Variants in UGT1A7 observed in about 807,000 individuals in gnomAD.
The protein encoded by UGT1A7 is UDP-glucuronosyltransferase 1A7.
Under a neutral mutation model 45.6 loss-of-function variants are expected in UGT1A7, and 33 were observed. The observed-to-expected ratio is 0.72, with a 90% CI of 0.55 to 0.97. The LOEUF (loss-of-function observed/expected upper bound fraction) is 0.97, where lower values mean the gene tolerates loss of function less well. Ranked by LOEUF, UGT1A7 falls within the 50% of genes least tolerant of loss-of-function variation. UGT1A7 has a pLI of 0.00. For missense variants in UGT1A7, 684 were observed against 666.2 expected (o/e 1.03, Z -0.29); for synonymous variants, 274 against 250.6 (o/e 1.09, Z -0.88).
intron 3 of UGT1A7, 134 bp from the exon 4 acceptor site, chr2:233,768,086 A>T: frequency 1.3e-6 from 2 of 1,591,428 alleles, no homozygotes; most frequent in Non-Finnish European, 8.6e-7. Flanking sequence ...ATCTCAACCC[A>T]CATTTTCTTC....
In UGT1A7 at chr2:233,768,367, T is replaced by C; in HGVS notation, c.1223T>C (p.Val408Ala). 6.2e-7 allele frequency: 1 copy of C among 1,614,082 alleles called. No individual in the cohort carries two copies. The highest frequency in any genetic ancestry group is 8.5e-7 in the Non-Finnish European group (1 of 1,180,022). The change falls in exon 4 of 5, where the codon GTG (valine) becomes GCG (alanine). Residue 408 changes from valine to alanine, a missense_variant. Val to Ala is a moderately conservative substitution (Grantham distance 64). Transcript: ENST00000373426. The stretch of plus-strand genomic sequence containing the variant: ...CGCATGGAGACTAAGGGAGCTGGAG[T>C]GACCCTGAATGTTCTGGAAATGACT... ...AKRMETKGAG[V>A]TLNVLEMTSE...
At chr2:233,689,819 C>T in intron 1 of UGT1A7, 1 of 449,700 alleles carries the variant, frequency 2.2e-6, no homozygotes, top group Admixed American at 2.4e-5. Flanking sequence ...AACCAAACAT[C>T]TCTGGACTCT....
At chr2:233,709,435 T>C (rs1036317154) in intron 1 of UGT1A7, among the ~76,000 whole-genome samples, 9 of 152,210 alleles carry the variant, frequency 5.9e-5, no homozygotes, top group Non-Finnish European at 8.8e-5. Context: ...CCAGAAAGGA[T>C]GACCTGCCGA....
At chr2:233,746,652 G>C (rs889917694) in intron 1 of UGT1A7, among the ~76,000 whole-genome samples, 17 of 151,768 alleles carry the variant, frequency 1.1e-4, no homozygotes, top group African/African-American at 3.7e-4. Context: ...TTGGCTTTCT[G>C]TCCCGAGTTC....
intron 1 of UGT1A7, among the ~76,000 whole-genome samples, chr2:233,754,123 T>C (rs1464588119): frequency 2.6e-5 from 4 of 152,360 alleles, no homozygotes; most frequent in Admixed American, 2.6e-4. Flanking sequence ...CGAGCATTTA[T>C]GTGCAATTAA....
chr2:233,743,205 G>A (rs1013981609), intron 1 of UGT1A7: 19 of 391,306 alleles, frequency 4.9e-5, no homozygotes, highest in South Asian at 9.4e-5. Flanking sequence ...GTGTCAATGC[G>A]GAGTAACTGC....
At chr2:233,720,685 A>G (rs2076880777) in intron 1 of UGT1A7, among the ~76,000 whole-genome samples, 1 of 151,384 alleles carries the variant, frequency 6.6e-6, no homozygotes, top group Non-Finnish European at 1.5e-5. Flanking sequence ...TGGTTTCTAA[A>G]TCCATTAAGG....
intron 1 of UGT1A7, among the ~76,000 whole-genome samples, chr2:233,722,377 C>T (rs570845988): frequency 4.6e-5 from 7 of 152,274 alleles, no homozygotes; most frequent in East Asian, 3.9e-4. Context: ...TGAAATCTTA[C>T]GTTTCTTCTC....
At chr2:233,695,921 C>A (rs2075314397) in intron 1 of UGT1A7, among the ~76,000 whole-genome samples, 1 of 152,044 alleles carries the variant, frequency 6.6e-6, no homozygotes, top group South Asian at 2.1e-4. Flanking sequence ...CTCCACACAC[C>A]AAGCAAGCAG....
chr2:233,698,492 T>C lies in UGT1A7; in HGVS notation c.855+15700T>C, dbSNP rs1274345371. ...GATTTATAGCTTAAAAATGCAGTCC[T>C]CATTAGGCAAATCACATAATCGGCA... On this transcript the variant is annotated intron_variant, in intron 1 of 4. Transcript: ENST00000373426. Among the ~76,000 whole-genome samples, 3 of 152,190 alleles carry C rather than the reference T, an allele frequency of 2.0e-5. No individual in the cohort carries two copies. The East Asian group carries it at 5.8e-4, about 29-fold the overall frequency.
chr2:233,689,454 T>G (rs919353618), intron 1 of UGT1A7, among the ~76,000 whole-genome samples: 5 of 152,208 alleles, frequency 3.3e-5, no homozygotes, highest in Non-Finnish European at 7.3e-5. Flanking sequence ...CAAGGATACA[T>G]TTTAGGAAAA....
At position 233,682,800 on chromosome 2, in the gene UGT1A7, AT is replaced by A. The variant is rs111931772; in HGVS notation, c.855+9del. 5 of 1,609,792 alleles carry A rather than the reference AT, an allele frequency of 3.1e-6. No individual in the cohort carries two copies. The African/African-American group carries it at 4.0e-5, about 13-fold the overall frequency. On this transcript the variant is annotated intron_variant, in intron 1 of 4. Transcript: ENST00000373426. The stretch of plus-strand genomic sequence containing the variant: ...GGAAAGCCAGTGCCTATGGTAAGTT[AT>A]CTCCCCTTTAGCACATTAAGAATAA...
chr2:233,754,024 C>T (rs763970261), intron 1 of UGT1A7, among the ~76,000 whole-genome samples: 4 of 152,198 alleles, frequency 2.6e-5, no homozygotes, highest in Non-Finnish European at 5.9e-5. Flanking sequence ...TGATAGGAAA[C>T]GAATGCATCC....
chr2:233,743,608 G>A (rs1692376104), intron 1 of UGT1A7: 5 of 1,367,320 alleles, frequency 3.7e-6, no homozygotes, highest in Non-Finnish European at 4.9e-6. Context: ...GGCCGCCGAA[G>A]AACTCCCTGA....
chr2:233,718,946 C>T (rs1373518014), intron 1 of UGT1A7: 1 of 1,614,072 alleles, frequency 6.2e-7, no homozygotes, highest in African/African-American at 1.3e-5. Context: ...GCCCCTGGCT[C>T]AGCATGCGGG....
rs749552053 is a variant in UGT1A7 at position 233,760,309 on chromosome 2, G to A, written c.856-6725G>A. 18 of 1,613,646 alleles carry A rather than the reference G, an allele frequency of 1.1e-5. No individual in the cohort carries two copies. The highest frequency in any genetic ancestry group is 2.2e-5 in the East Asian group (1 of 44,886). On this transcript the variant is annotated intron_variant, in intron 1 of 4. Transcript: ENST00000373426. ...CGCCATGGCTGTGGAGTCCCAGGGCGGACGCCCACTTGTCCTGGGCCTGCT... is the reference window on the plus strand; with the variant it reads ...CGCCATGGCTGTGGAGTCCCAGGGCAGACGCCCACTTGTCCTGGGCCTGCT...
intron 1 of UGT1A7, chr2:233,743,822 G>A (rs764939970): frequency 2.6e-5 from 36 of 1,367,122 alleles, no homozygotes; most frequent in Admixed American, 3.8e-5. Context: ...GTTTTTGTCG[G>A]GGTGCCACTT....
At chr2:233,746,151 A>C (rs1346587402) in intron 1 of UGT1A7, among the ~76,000 whole-genome samples, 1 of 151,886 alleles carries the variant, frequency 6.6e-6, no homozygotes, top group Non-Finnish European at 1.5e-5. Context: ...TGATAGCATG[A>C]TTCCAAAGCC....
intron 1 of UGT1A7, among the ~76,000 whole-genome samples, chr2:233,727,533 G>A (rs532187681): frequency 2.6e-5 from 4 of 152,154 alleles, no homozygotes; most frequent in East Asian, 1.9e-4. Context: ...ACTACCAGGC[G>A]TGTTCCACCC....
Sources: allele counts gnomAD v4.1 joint callset (sites outside exome capture counted in the v4.1 genomes callset), GRCh38; gene constraint gnomAD v4.1.1; transcripts MANE v1.5; gene names NCBI Gene and HGNC (gene_info 2026-07-23, HGNC 2026-07-21).